The following CRHR1 variants were observed in gnomAD, a reference collection of about 807,000 sequenced individuals.
CRHR1 encodes the protein corticotropin releasing hormone receptor 1, also known as corticotropin-releasing hormone receptor 1.
CRHR1 carries 28 observed loss-of-function variants against 56.0 expected under a neutral mutation model. That is an observed-to-expected ratio of 0.50 (90% CI 0.37 to 0.69). The LOEUF (loss-of-function observed/expected upper bound fraction) is 0.69. Among genes scored for constraint, CRHR1 ranks in the 30% least tolerant of loss-of-function variants. The pLI is 0.00. For missense variants in CRHR1, 376 were observed against 548.0 expected (o/e 0.69, Z 3.13); for synonymous variants, 195 against 216.5 (o/e 0.90, Z 0.87).
At chr17:45,822,476 C>T (rs2062063574) in intron 4 of CRHR1, among the ~76,000 whole-genome samples, 1 of 152,218 alleles carries the variant, frequency 6.6e-6, no homozygotes, top group African/African-American at 2.4e-5. Context: ...TGTCCGAGGG[C>T]CAGGGATTCT....
At chr17:45,794,332 G>C (rs763574830) in intron 1 of CRHR1, among the ~76,000 whole-genome samples, 3 of 152,238 alleles carry the variant, frequency 2.0e-5, no homozygotes, top group Admixed American at 1.3e-4. Context: ...GGAACCAATT[G>C]TTGGTAGGTT....
rs749376023 is a variant in CRHR1, at chr17:45,834,639, C to T, written c.1123C>T (p.Arg375Trp). 2.0e-5 allele frequency: 32 copies of T among 1,612,246 alleles called. No homozygotes were observed. Among genetic ancestry groups the T allele is most frequent in the South Asian group, 5.5e-5 (5 of 91,010 alleles). Residue 375 changes from arginine to tryptophan, a missense_variant, in exon 13 of 13, where the codon CGG (arginine) becomes TGG (tryptophan). Physicochemically the swap from Arg to Trp is moderately radical, Grantham distance 101. Transcript: ENST00000314537. ...FLNSEVRSAI[R>W]KRWHRWQDKH... is the part of the protein sequence containing the mutation. ...GTGCCCACAGGTCCGTTCTGCCATC[C>T]GGAAGAGGTGGCACCGGTGGCAGGA...
chr17:45,826,757 C>G (rs909198882), intron 4 of CRHR1: 11 of 152,268 alleles, frequency 7.2e-5, no homozygotes, highest in African/African-American at 2.7e-4. Flanking sequence ...AGGTGGATTG[C>G]CTGAGCTCAG....
intron 2 of CRHR1, among the ~76,000 whole-genome samples, chr17:45,809,999 G>A (rs1337821063): frequency 6.6e-6 from 1 of 152,184 alleles, no homozygotes; most frequent in Non-Finnish European, 1.5e-5. Flanking sequence ...TAATAGCTAG[G>A]CCAGGCACGG....
rs2062242157 is a variant in CRHR1, at chr17:45,829,436, A to G, written c.434+115A>G. ...GTGGGGGTTGCTGGGAGAGGGTGGCAGGGGCTGGCTTATCTGAGAGTCTCA... is the reference window on the plus strand; with the variant it reads ...GTGGGGGTTGCTGGGAGAGGGTGGCGGGGGCTGGCTTATCTGAGAGTCTCA... On this transcript the variant is annotated intron_variant, in intron 5 of 12. Transcript: ENST00000314537. The G allele has an allele frequency of 3.8e-6, 5 of 1,321,594 alleles. No homozygotes were observed. The Admixed American group carries it at 8.1e-5, about 22-fold the overall frequency. 81.9% of individuals were successfully genotyped at this position (1,321,594 alleles called of 1,614,324 possible).
chr17:45,823,323 C>T (rs1299870646), intron 4 of CRHR1, among the ~76,000 whole-genome samples: 2 of 151,582 alleles, frequency 1.3e-5, no homozygotes, highest in South Asian at 2.1e-4. Flanking sequence ...TAGTGCGACC[C>T]GTTCACACTA....
At chr17:45,798,818 C>T (rs567161367) in intron 1 of CRHR1, among the ~76,000 whole-genome samples, 2 of 152,190 alleles carry the variant, frequency 1.3e-5, no homozygotes, top group Non-Finnish European at 1.5e-5. Flanking sequence ...AGGCTTCCCC[C>T]CTCCCTTAAC....
chr17:45,804,540 G>C lies in CRHR1; in HGVS notation c.34-2470G>C, dbSNP rs576712131. The stretch of plus-strand genomic sequence containing the variant: ...GGAGTGGGTACCGTGAAAGGGGGTG[G>C]CCCTGGTGGGGTGGGGTGAGATAAG... On this transcript the variant is annotated intron_variant, in intron 1 of 12. Transcript: ENST00000314537. 5.8e-4 allele frequency among the ~76,000 whole-genome samples: 89 copies of C among 152,216 alleles called. 1 individual carries two copies. Among genetic ancestry groups the C allele is most frequent in the African/African-American group, 2.0e-3 (85 of 41,520 alleles).
chr17:45,802,441 C>T (rs1191925108), intron 1 of CRHR1, among the ~76,000 whole-genome samples: 1 of 152,196 alleles, frequency 6.6e-6, no homozygotes, highest in East Asian at 1.9e-4. Context: ...TAGAAAACCA[C>T]AGTGGAGCTT....
intron 9 of CRHR1, 54 bp downstream of exon 9, chr17:45,833,264 T>C: frequency 6.3e-7 from 1 of 1,584,424 alleles, no homozygotes. Flanking sequence ...GGGCAATCAG[T>C]GCCAACCGTG....
intron 1 of CRHR1, among the ~76,000 whole-genome samples, chr17:45,793,220 C>A (rs2061457451): frequency 6.6e-6 from 1 of 152,278 alleles, no homozygotes; most frequent in South Asian, 2.1e-4. Context: ...GCCCTGTGTT[C>A]CGCCTCCGGT....
intron 4 of CRHR1, among the ~76,000 whole-genome samples, chr17:45,823,468 C>T (rs1220202157): frequency 2.2e-5 from 3 of 134,492 alleles, no homozygotes; most frequent in Non-Finnish European, 3.0e-5. Context: ...AGTGCTGTGG[C>T]GCGATGTCGG....
intron 1 of CRHR1, among the ~76,000 whole-genome samples, chr17:45,806,018 C>G (rs2061711719): frequency 6.6e-6 from 1 of 152,226 alleles, no homozygotes; most frequent in Non-Finnish European, 1.5e-5. Context: ...ATCATGTAAG[C>G]TTAAAGGGGG....
intron 3 of CRHR1, among the ~76,000 whole-genome samples, chr17:45,820,907 G>A (rs117811037): frequency 0.015 from 2,267 of 152,272 alleles, 21 homozygotes; most frequent in South Asian, 0.044. Flanking sequence ...AGCTGTCACC[G>A]CATACCCTTC....
Position 45,784,617 on chromosome 17 carries a change from C to CG in CRHR1, c.33+42dup, listed in dbSNP as rs764058006. 1.3e-6 allele frequency: 2 copies of CG among 1,529,930 alleles called. No homozygotes were observed. Among genetic ancestry groups the CG allele is most frequent in the South Asian group, 2.4e-5 (2 of 82,190 alleles). The allele number at this position is 1,529,930 out of a possible 1,614,324, so 94.8% of individuals were successfully genotyped here. The stretch of plus-strand genomic sequence containing the variant: ...GCCATCCCTCGAGCGCTGGCGCCCC[C>CG]GGCCCCTGGCGGACGCGGGACGGGG... On this transcript the variant is annotated intron_variant, in intron 1 of 12. Transcript: ENST00000314537. The surrounding 1 kb of genome is among the most constrained non-coding windows in gnomAD (Gnocchi z 4.2).
chr17:45,813,368 G>A (rs1342411747), intron 2 of CRHR1, among the ~76,000 whole-genome samples: 1 of 152,086 alleles, frequency 6.6e-6, no homozygotes, highest in Non-Finnish European at 1.5e-5. Flanking sequence ...CGGGGATGGG[G>A]GAACTTTGTC....
At chr17:45,815,581 T>A (rs1018726365) in intron 2 of CRHR1, among the ~76,000 whole-genome samples, 2 of 152,212 alleles carry the variant, frequency 1.3e-5, no homozygotes, top group African/African-American at 4.8e-5. Context: ...TATACACCAA[T>A]ATTTTCATTA....
At chr17:45,785,526 A>C (rs1283588771) in intron 1 of CRHR1, among the ~76,000 whole-genome samples, 1 of 152,208 alleles carries the variant, frequency 6.6e-6, no homozygotes, top group African/African-American at 2.4e-5. Flanking sequence ...CAGTCTGGGC[A>C]TCGCCTCACC....
chr17:45,824,666 A>G (rs2143165485), intron 4 of CRHR1, among the ~76,000 whole-genome samples: 1 of 152,302 alleles, frequency 6.6e-6, no homozygotes, highest in African/African-American at 2.4e-5. Flanking sequence ...TTTGCATTGC[A>G]GTGGGAATAG....
Sources: gnomAD v4.1 joint callset for allele counts (sites outside exome capture counted in the v4.1 genomes callset) on GRCh38, gnomAD v4.1.1 for gene constraint, Gnocchi (gnomAD v3.1) non-coding constraint, MANE v1.5 for transcripts, NCBI Gene and HGNC (gene_info 2026-07-23, HGNC 2026-07-21) for gene names.